Variants in HNRNPC observed in about 807,000 individuals in gnomAD.
HNRNPC encodes the protein heterogeneous nuclear ribonucleoproteins C1/C2.
A neutral mutation model predicts 33.2 loss-of-function variants in HNRNPC; 3 were observed. The ratio of observed to expected loss-of-function variants is 0.09; its 90% CI spans 0.04 to 0.23. HNRNPC has a LOEUF of 0.23. Among genes scored for constraint, HNRNPC ranks in the 10% least tolerant of loss-of-function variants. The pLI, the probability that HNRNPC is intolerant of heterozygous loss-of-function variation, is 1.00. For synonymous variants in HNRNPC, 121 were observed against 126.7 expected (o/e 0.96, Z 0.30); for missense variants, 143 against 366.7 (o/e 0.39, Z 4.98).
chr14:21,220,244 T>TTTC (rs1892672642), intron 5 of HNRNPC, among the ~76,000 whole-genome samples: 1 of 151,914 alleles, frequency 6.6e-6, no homozygotes, highest in Admixed American at 6.6e-5. Context: ...TCTGGTTTTT[T>TTTC]TTTTTTTTTG....
chr14:21,253,205 G>T (rs1182571968), intron 2 of HNRNPC, among the ~76,000 whole-genome samples: 1 of 127,206 alleles, frequency 7.9e-6, no homozygotes, highest in Non-Finnish European at 1.7e-5. Flanking sequence ...GGCCAGGCGC[G>T]GTGGCTCACG....
intron 5 of HNRNPC, among the ~76,000 whole-genome samples, chr14:21,216,299 T>C (rs929262988): frequency 3.3e-5 from 5 of 152,168 alleles, no homozygotes; most frequent in Non-Finnish European, 7.3e-5. Flanking sequence ...TAGTAATACA[T>C]GTCAACACTA....
rs369801709 is a variant in HNRNPC, at chr14:21,268,441, CAA to C, written c.-63+855_-63+856del. Among the ~76,000 whole-genome samples, 562 of 152,232 alleles carry C rather than the reference CAA, an allele frequency of 3.7e-3. 5 individuals are homozygous for C. Among genetic ancestry groups the C allele is most frequent in the African/African-American group, 0.012 (514 of 41,544 alleles). ...GTGGTTTCCGTCATCAGGTTCTTGG[CAA>C]AGATTGCAATACAGTAGTTTTAGAA... is the stretch of plus-strand genomic sequence containing the variant. On this transcript the variant is annotated intron_variant, in intron 1 of 8. Transcript: ENST00000553300.
At chr14:21,236,670 T>C (rs1894726313) in intron 2 of HNRNPC, among the ~76,000 whole-genome samples, 1 of 152,168 alleles carries the variant, frequency 6.6e-6, no homozygotes, top group Admixed American at 6.5e-5. Context: ...CCAAATGATG[T>C]CAAGTCACAC....
chr14:21,227,384 G>C (rs1460185215), intron 5 of HNRNPC, among the ~76,000 whole-genome samples: 1 of 152,136 alleles, frequency 6.6e-6, no homozygotes, highest in Non-Finnish European at 1.5e-5. Context: ...CTATTACCTA[G>C]TTGCTCCACT....
chr14:21,244,765 T>A (rs1415675466), intron 2 of HNRNPC, among the ~76,000 whole-genome samples: 1 of 152,180 alleles, frequency 6.6e-6, no homozygotes, highest in Non-Finnish European at 1.5e-5. Context: ...GCCTGTATCG[T>A]ATAGCCTATT....
chr14:21,224,928 TTA>T (rs1893244018), intron 5 of HNRNPC, among the ~76,000 whole-genome samples: 3 of 152,260 alleles, frequency 2.0e-5, no homozygotes, highest in South Asian at 4.1e-4. Context: ...TACTCGTTAC[TTA>T]TATACTGTAT....
chr14:21,243,149 G>A (rs566836330), intron 2 of HNRNPC, among the ~76,000 whole-genome samples: 1 of 152,190 alleles, frequency 6.6e-6, no homozygotes, highest in Non-Finnish European at 1.5e-5. Context: ...CTGAACACTA[G>A]ACTGGGCAAA....
intron 1 of HNRNPC, among the ~76,000 whole-genome samples, chr14:21,266,641 T>C (rs1879028001): frequency 1.3e-5 from 2 of 149,364 alleles, no homozygotes; most frequent in South Asian, 2.2e-4. Context: ...AATCCTCTAG[T>C]AAATCTAGTA....
At chr14:21,264,358 TA>T (rs1878643065) in intron 1 of HNRNPC, 1 of 152,162 alleles carries the variant, frequency 6.6e-6, no homozygotes, top group Non-Finnish European at 1.5e-5. Flanking sequence ...GTTCTACTGT[TA>T]GGGGAAAAGA....
At chr14:21,230,564 G>T in intron 4 of HNRNPC, 198 bp from the exon 5 acceptor site, 1 of 545,058 alleles carries the variant, frequency 1.8e-6, no homozygotes, top group Non-Finnish European at 3.3e-6. Context: ...GGTCAAATTG[G>T]AAATTCAGGT....
intron 2 of HNRNPC, among the ~76,000 whole-genome samples, chr14:21,247,120 G>T (rs910196730): frequency 2.0e-5 from 3 of 152,088 alleles, no homozygotes; most frequent in African/African-American, 7.2e-5. Flanking sequence ...CTTGTGTTAA[G>T]GGTCAACTGT....
chr14:21,257,697 C>T (rs922077489), intron 2 of HNRNPC, among the ~76,000 whole-genome samples: 1 of 152,010 alleles, frequency 6.6e-6, no homozygotes, highest in African/African-American at 2.4e-5. Context: ...TTAATTCTAC[C>T]GCCTCAGCCT....
At chr14:21,227,926 G>A (rs899198015) in intron 5 of HNRNPC, among the ~76,000 whole-genome samples, 8 of 152,134 alleles carry the variant, frequency 5.3e-5, no homozygotes, top group Admixed American at 1.3e-4. Flanking sequence ...AAAGAAATAG[G>A]ATAATAATAC....
At chr14:21,246,650 T>C (rs1451053484) in intron 2 of HNRNPC, among the ~76,000 whole-genome samples, 1 of 152,162 alleles carries the variant, frequency 6.6e-6, no homozygotes, top group African/African-American at 2.4e-5. Flanking sequence ...TTGAGTTCCC[T>C]TGGAAAAGAA....
chr14:21,223,409 A>G (rs911340146), intron 5 of HNRNPC, among the ~76,000 whole-genome samples: 1 of 152,130 alleles, frequency 6.6e-6, no homozygotes, highest in Non-Finnish European at 1.5e-5. Context: ...CTAGGACACA[A>G]TAAGAAACTA....
chr14:21,225,556 G>A (rs191037623), intron 5 of HNRNPC, among the ~76,000 whole-genome samples: 28 of 152,194 alleles, frequency 1.8e-4, no homozygotes, highest in Admixed American at 1.7e-3. Context: ...AATTCTAAAA[G>A]GTGTCCATCC....
chr14:21,218,041 G>T (rs1555351083), intron 5 of HNRNPC, among the ~76,000 whole-genome samples: 1 of 149,748 alleles, frequency 6.7e-6, no homozygotes, highest in Non-Finnish European at 1.5e-5. Context: ...TTAAGAAAGG[G>T]AAAAAAAAAA....
At chr14:21,219,435 TA>T (rs1427495114) in intron 5 of HNRNPC, among the ~76,000 whole-genome samples, 1 of 152,238 alleles carries the variant, frequency 6.6e-6, no homozygotes, top group Non-Finnish European at 1.5e-5. Flanking sequence ...GAAATCTGTG[TA>T]AGATTTCTGC....
Sources: gnomAD v4.1 joint callset for allele counts (sites outside exome capture counted in the v4.1 genomes callset) on GRCh38, gnomAD v4.1.1 for gene constraint, MANE v1.5 for transcripts, NCBI Gene and HGNC (gene_info 2026-07-23, HGNC 2026-07-21) for gene names.